Variants in KCTD16 observed in about 807,000 individuals in gnomAD.
The protein encoded by KCTD16 is BTB/POZ domain-containing protein KCTD16.
In KCTD16, 13 loss-of-function variants were observed where a neutral mutation model predicts 33.2. The observed-to-expected ratio is 0.39, with a 90% CI of 0.25 to 0.62. The LOEUF is 0.62. Among genes scored for constraint, KCTD16 ranks in the 20% least tolerant of loss-of-function variants. The pLI is 0.50. For missense variants in KCTD16, 441 were observed against 525.1 expected, an observed-to-expected ratio of 0.84 and a Z score of 1.57; for synonymous variants, 197 against 195.3, an observed-to-expected ratio of 1.01 and a Z score of -0.07.
intron 3 of KCTD16, among the ~76,000 whole-genome samples, chr5:144,394,010 C>A (rs1752511534): frequency 7.1e-6 from 1 of 140,420 alleles, no homozygotes; most frequent in African/African-American, 2.7e-5. Flanking sequence ...TGGCTTTGCA[C>A]ATGGTCGGGA....
intron 3 of KCTD16, among the ~76,000 whole-genome samples, chr5:144,321,825 G>C (rs1490671192): frequency 6.6e-6 from 1 of 152,144 alleles, no homozygotes; most frequent in Non-Finnish European, 1.5e-5. Context: ...TGTCTTCTCA[G>C]AGGCAAAAAG....
chr5:144,343,048 T>C (rs1752688684), intron 3 of KCTD16, among the ~76,000 whole-genome samples: 1 of 152,172 alleles, frequency 6.6e-6, no homozygotes, highest in South Asian at 2.1e-4. Context: ...CTCTTTTTGG[T>C]TGTGTCTCTG....
chr5:144,246,238 T>G (rs879842056), intron 3 of KCTD16, among the ~76,000 whole-genome samples: 5 of 152,100 alleles, frequency 3.3e-5, no homozygotes, highest in Non-Finnish European at 7.4e-5. Context: ...CAATCCAGAG[T>G]GGGGCTTGTA....
chr5:144,417,727 T>G (rs1753099145), intron 3 of KCTD16, among the ~76,000 whole-genome samples: 1 of 152,192 alleles, frequency 6.6e-6, no homozygotes, highest in South Asian at 2.1e-4. Flanking sequence ...GTTTTATGGT[T>G]TTAGGTCTCC....
intron 3 of KCTD16, among the ~76,000 whole-genome samples, chr5:144,300,749 C>T (rs1362078316): frequency 6.6e-6 from 1 of 152,066 alleles, no homozygotes; most frequent in Admixed American, 6.5e-5. Flanking sequence ...AGAGTCCACC[C>T]AAAGGATTTC....
At chr5:144,458,675 T>A (rs1580980557) in intron 3 of KCTD16, among the ~76,000 whole-genome samples, 1 of 152,314 alleles carries the variant, frequency 6.6e-6, no homozygotes, top group South Asian at 2.1e-4. Flanking sequence ...AAACCTAATG[T>A]ACAAACCAAA....
At chr5:144,299,132 ATATATATATATATATATTTT>A (rs1188947115) in intron 3 of KCTD16, among the ~76,000 whole-genome samples, 4 of 28,680 alleles carry the variant, frequency 1.4e-4, no homozygotes, top group South Asian at 1.1e-3. Context: ...ATATATATAT[ATATATATATATATATATTTT>A]TTTTTTTTTT....
rs1204143680 is a variant in KCTD16, at chr5:144,479,987, T to G, written c.*5873T>G. On this transcript the variant is annotated 3_prime_UTR_variant, in exon 4 of 4. Coordinates refer to ENST00000512467, the MANE Select transcript of KCTD16 (RefSeq NM_020768.4). ...AGCAACCTCCTCCATCTTATCAGTT[T>G]ATTTTTAGAATTGACCTTTAGATAA... 6.6e-6 allele frequency: 1 copy of G among 152,016 alleles called. No homozygotes were observed. The highest frequency in any genetic ancestry group is 1.5e-5 in the Non-Finnish European group (1 of 67,960). The allele number at this position is 152,016 out of a possible 1,614,324, so 9.4% of individuals were successfully genotyped here.
chr5:144,264,909 T>A (rs1357031523), intron 3 of KCTD16, among the ~76,000 whole-genome samples: 1 of 152,206 alleles, frequency 6.6e-6, no homozygotes, highest in Non-Finnish European at 1.5e-5. Flanking sequence ...AGGCACATGT[T>A]TACTAAAAAA....
chr5:144,436,808 G>C (rs550587919), intron 3 of KCTD16, among the ~76,000 whole-genome samples: 2 of 151,954 alleles, frequency 1.3e-5, no homozygotes, highest in East Asian at 1.9e-4. Context: ...GGCTGGTCTC[G>C]AACTCCTGAC....
chr5:144,202,214 A>G (rs1370457933), intron 2 of KCTD16, among the ~76,000 whole-genome samples: 1 of 152,116 alleles, frequency 6.6e-6, no homozygotes, highest in Non-Finnish European at 1.5e-5. Flanking sequence ...ACAGTGTTTC[A>G]GCGGAGAGCT....
intron 3 of KCTD16, among the ~76,000 whole-genome samples, chr5:144,283,053 CT>C (rs916345902): frequency 1.3e-5 from 2 of 151,882 alleles, no homozygotes; most frequent in African/African-American, 2.4e-5. Flanking sequence ...CTCTTTTTTT[CT>C]TTTTTTTATT....
intron 3 of KCTD16, among the ~76,000 whole-genome samples, chr5:144,437,029 A>G (rs1753595316): frequency 6.6e-6 from 1 of 152,232 alleles, no homozygotes; most frequent in Admixed American, 6.5e-5. Flanking sequence ...AAAGAATGTT[A>G]CTGAAAGGAC....
intron 2 of KCTD16, among the ~76,000 whole-genome samples, chr5:144,180,644 G>T (rs1752603263): frequency 6.6e-6 from 1 of 152,214 alleles, no homozygotes; most frequent in South Asian, 2.1e-4. Flanking sequence ...TCATCTGAAA[G>T]CTCATTCACA....
chr5:144,268,603 A>G (rs1350888572), intron 3 of KCTD16, among the ~76,000 whole-genome samples: 1 of 152,208 alleles, frequency 6.6e-6, no homozygotes. Flanking sequence ...CAATAATTTT[A>G]AAAAGTAGAC....
At chr5:144,187,706 A>G (rs1752757385) in intron 2 of KCTD16, among the ~76,000 whole-genome samples, 1 of 152,084 alleles carries the variant, frequency 6.6e-6, no homozygotes, top group Non-Finnish European at 1.5e-5. Context: ...TTCTTTGTGT[A>G]CCCCAGAGTC....
intron 3 of KCTD16, among the ~76,000 whole-genome samples, chr5:144,368,265 C>T (rs182679349): frequency 1.2e-4 from 18 of 152,086 alleles, no homozygotes; most frequent in Non-Finnish European, 2.4e-4. Flanking sequence ...GTCAGTTGAC[C>T]TTAAAACAGG....
rs368957124 is a variant in KCTD16 at position 144,479,365 on chromosome 5, C to CAAAAAAAAAAAAAAAAAAAAAAAA, written c.*5267_*5268insAAAAAAAAAAAAAAAAAAAAAAAA. The CAAAAAAAAAAAAAAAAAAAAAAAA allele has an allele frequency of 1.1e-5, 1 of 92,478 alleles. No individual in the cohort carries two copies. Among genetic ancestry groups the CAAAAAAAAAAAAAAAAAAAAAAAA allele is most frequent in the Non-Finnish European group, 2.0e-5 (1 of 48,972 alleles). The allele number at this position is 92,478 out of a possible 1,614,324, so 5.7% of individuals were successfully genotyped here. A position where few individuals can be genotyped will look rare whatever the true frequency, so the allele number is the denominator to read the frequency against. Reference sequence around the variant, plus strand: ...CCAAACTGATGTGTAAGAATAAATGCAAAAAAAAAAAAAAAAGAAAAAGAA... The same window carrying CAAAAAAAAAAAAAAAAAAAAAAAA: ...CCAAACTGATGTGTAAGAATAAATGCAAAAAAAAAAAAAAAAAAAAAAAAAAAAAAAAAAAAAAAAGAAAAAGAA... On this transcript the variant is annotated 3_prime_UTR_variant, in exon 4 of 4. Transcript: ENST00000512467.
intron 3 of KCTD16, among the ~76,000 whole-genome samples, chr5:144,260,664 T>G (rs934650476): frequency 6.6e-6 from 1 of 152,170 alleles, no homozygotes; most frequent in Non-Finnish European, 1.5e-5. Flanking sequence ...AACTATAATG[T>G]GAGATTTATG....
Sources: allele counts gnomAD v4.1 joint callset (sites outside exome capture counted in the v4.1 genomes callset), GRCh38; gene constraint gnomAD v4.1.1; transcripts MANE v1.5; gene names NCBI Gene and HGNC (gene_info 2026-07-23, HGNC 2026-07-21).